MAP7D1: variants seen among roughly 807,000 people sequenced by gnomAD.
MAP7D1 encodes the protein MAP7 domain-containing protein 1.
In MAP7D1, 30 loss-of-function variants were observed where a neutral mutation model predicts 97.5. The ratio of observed to expected loss-of-function variants is 0.31; its 90% CI spans 0.23 to 0.42. The LOEUF is 0.42. MAP7D1 is among the 10% of genes least tolerant of loss of function. The pLI is 1.00. For synonymous variants in MAP7D1, 536 were observed against 477.1 expected (o/e 1.12, Z -1.61); for missense variants, 1,184 against 1,179.5 (o/e 1.00, Z -0.06).
At chr1:36,170,206 A>G (rs1317629480) in intron 1 of MAP7D1, among the ~76,000 whole-genome samples, 1 of 152,214 alleles carries the variant, frequency 6.6e-6, no homozygotes, top group Non-Finnish European at 1.5e-5. Context: ...TATATGTCAA[A>G]TCGTGTGGCT....
chr1:36,165,961 C>T (rs1644469879), intron 1 of MAP7D1, among the ~76,000 whole-genome samples: 1 of 152,088 alleles, frequency 6.6e-6, no homozygotes, highest in African/African-American at 2.4e-5. Flanking sequence ...AACTCCTGAC[C>T]TCAGGTGATC....
rs770364727 is a variant in MAP7D1, at chr1:36,180,299, T to TCTGC, written c.*42_*45dup. 10 of 1,613,634 alleles carry TCTGC rather than the reference T, an allele frequency of 6.2e-6. No homozygotes were observed. Among genetic ancestry groups the TCTGC allele is most frequent in the Non-Finnish European group, 8.5e-6 (10 of 1,179,612 alleles). ...ATCCGGGCACAGTTGTGAGGGCTCC[T>TCTGC]CTGCATCACCTACCAGGATGTCTGG... is the stretch of plus-strand genomic sequence containing the variant. On this transcript the variant is annotated 3_prime_UTR_variant, in exon 17 of 17. Transcript: ENST00000474796.
At chr1:36,179,102 C>T in intron 12 of MAP7D1, 77 bp downstream of exon 12, 1 of 1,506,926 alleles carries the variant, frequency 6.6e-7, no homozygotes, top group Non-Finnish European at 9.0e-7. Flanking sequence ...GGGCTTAGAG[C>T]GGACAGGACG....
intron 12 of MAP7D1, 86 bp from the exon 13 acceptor site, chr1:36,179,176 T>A: frequency 6.5e-7 from 1 of 1,545,416 alleles, no homozygotes; most frequent in Non-Finnish European, 8.9e-7. Context: ...TGGGAGGCCC[T>A]AAGACTCCGA....
intron 1 of MAP7D1, among the ~76,000 whole-genome samples, chr1:36,161,879 G>A (rs908496206): frequency 1.2e-3 from 25 of 21,202 alleles, no homozygotes; most frequent in Non-Finnish European, 4.8e-3. Flanking sequence ...GTGTGTGTAT[G>A]TGTGTGTGTG....
chr1:36,177,980 C>A lies in MAP7D1; in HGVS notation c.1487C>A (p.Ser496Tyr). The A allele has an allele frequency of 1.2e-6, 2 of 1,608,456 alleles. No individual in the cohort carries two copies. Among genetic ancestry groups the A allele is most frequent in the Non-Finnish European group, 1.7e-6 (2 of 1,176,120 alleles). The change falls in exon 9 of 17, where the codon TCC becomes TAC. Residue 496 changes from serine to tyrosine, a missense_variant. Physicochemically the swap from Ser to Tyr is moderately radical, Grantham distance 144. Coordinates refer to ENST00000474796, the MANE Select transcript of MAP7D1 (RefSeq NM_001388490.1). ...CACACTCTGCCTCCAAAGCCACCGT[C>A]CCCCCGAGGCACCACTGCATCCCCC... Reference protein sequence around the residue: ...PGHTLPPKPPSPRGTTASPKG... With the variant: ...PGHTLPPKPPYPRGTTASPKG...
Position 36,180,427 on chromosome 1 carries a change from C to T in MAP7D1, c.*169C>T, listed in dbSNP as rs567653406. 152 of 899,548 alleles carry T rather than the reference C, an allele frequency of 1.7e-4. 1 individual carries two copies. In the East Asian group the frequency reaches 3.0e-3, roughly 18 times the overall value. 55.7% of individuals were successfully genotyped at this position (899,548 alleles called of 1,614,324 possible). A position where few individuals can be genotyped will look rare whatever the true frequency, so the allele number is the denominator to read the frequency against. ...CCTTATAGACTGATGTCTCTTTGGC[C>T]GGAGCCAGATCTGCCCCTCAGTGCA... On this transcript the variant is annotated 3_prime_UTR_variant, in exon 17 of 17. Coordinates refer to ENST00000474796, the MANE Select transcript of MAP7D1 (RefSeq NM_001388490.1).
Position 36,176,843 on chromosome 1 carries a change from GTGGGCGCGGGCGGTGCGAGGGACCC to G in MAP7D1, c.1379+4_1379+28del. The G allele has an allele frequency of 1.3e-6, 2 of 1,592,076 alleles. No homozygotes were observed. Among genetic ancestry groups the G allele is most frequent in the South Asian group, 2.3e-5 (2 of 87,978 alleles). ...CTGCCAGCACCGCCTCTGAGCTCAGGTGGGCGCGGGCGGTGCGAGGGACCCTGCCCCTCACCGGGTCATTTATTCA... is the reference window on the plus strand; with the variant it reads ...CTGCCAGCACCGCCTCTGAGCTCAGGTGCCCCTCACCGGGTCATTTATTCA... On this transcript the variant is annotated splice_donor_variant and splice_donor_5th_base_variant and intron_variant, in intron 8 of 16. Coordinates refer to ENST00000474796, the MANE Select transcript of MAP7D1 (RefSeq NM_001388490.1). LOFTEE classifies it high-confidence loss of function. This position sits in a 1 kb window ranked among gnomAD's most constrained non-coding sequence, Gnocchi z 6.1.
chr1:36,177,492 C>G, intron 8 of MAP7D1: 2 of 485,956 alleles, frequency 4.1e-6, no homozygotes, highest in South Asian at 1.6e-5. Context: ...CCACTGCACT[C>G]CAGCCTGGGG....
At position 36,171,010 on chromosome 1, in the gene MAP7D1, C is replaced by A. The variant is rs754214784; in HGVS notation, c.86C>A (p.Pro29Gln). The A allele has an allele frequency of 1.9e-6, 3 of 1,573,522 alleles. No homozygotes were observed. Among genetic ancestry groups the A allele is most frequent in the Non-Finnish European group, 2.6e-6 (3 of 1,147,420 alleles). The change falls in exon 2 of 17, where the codon CCA (proline) becomes CAA (glutamine). Residue 29 changes from proline to glutamine, a missense_variant. Pro to Gln is a moderately conservative substitution (Grantham distance 76, BLOSUM62 -1). Coordinates refer to ENST00000474796, the MANE Select transcript of MAP7D1 (RefSeq NM_001388490.1). ...ARTPPEPRPS[P>Q]EGDPSPPPPP... ...ACCCCCCCAGAGCCAAGACCTTCTC[C>A]AGAAGGTGACCCTTCCCCCCCACCA...
In MAP7D1 at chr1:36,156,204, G is replaced by T; in HGVS notation, c.-214G>T. The T allele has an allele frequency of 2.3e-6, 1 of 429,540 alleles. No homozygotes were observed. The highest frequency in any genetic ancestry group is 4.1e-6 in the Non-Finnish European group (1 of 246,410). The allele number at this position is 429,540 out of a possible 1,614,324, so 26.6% of individuals were successfully genotyped here. On this transcript the variant is annotated 5_prime_UTR_variant, in exon 1 of 17. Transcript: ENST00000474796. ...TGGGCCGGCGCCGGGCGGGGAACGG[G>T]TTCGCGACCGCAGCCGAGAGACCCC...
Position 36,177,853 on chromosome 1 carries a change from C to G in MAP7D1, c.1380-20C>G. Reference sequence around the variant, plus strand: ...GGGTGTGTGTGTCTCCTAACCCTTCCCTTTTCCCTTTTCTCTTAGCCCCAA... The same window carrying G: ...GGGTGTGTGTGTCTCCTAACCCTTCGCTTTTCCCTTTTCTCTTAGCCCCAA... On this transcript the variant is annotated intron_variant, in intron 8 of 16. Transcript: ENST00000474796. The G allele has an allele frequency of 1.3e-6, 2 of 1,522,464 alleles. No individual in the cohort carries two copies. The highest frequency in any genetic ancestry group is 1.8e-6 in the Non-Finnish European group (2 of 1,135,058). 94.3% of individuals were successfully genotyped at this position (1,522,464 alleles called of 1,614,324 possible).
rs775444479 is a variant in MAP7D1 at position 36,176,765 on chromosome 1, G to A, written c.1302G>A (p.Glu434=). 2.5e-6 allele frequency: 4 copies of A among 1,603,494 alleles called. No individual in the cohort carries two copies. In the African/African-American group the frequency reaches 4.0e-5, roughly 16 times the overall value. The change falls in exon 8 of 17, where the codon GAG becomes GAA. Residue 434 remains glutamate, a synonymous_variant. Transcript: ENST00000474796. This position sits in a 1 kb window ranked among gnomAD's most constrained non-coding sequence, Gnocchi z 6.1. The stretch of plus-strand genomic sequence containing the variant: ...AGGAGAAGAGTGCCCTAGCCCGGGA[G>A]CGCAGCCTCAAGAAGCGCCAGTCGC... ...NEKEKSALAR[E]RSLKKRQSLP...
intron 1 of MAP7D1, among the ~76,000 whole-genome samples, chr1:36,160,086 GTCAGGTC>G (rs1427405291): frequency 6.6e-6 from 1 of 152,238 alleles, no homozygotes; most frequent in Non-Finnish European, 1.5e-5. Flanking sequence ...GGGCCATCAG[GTCAGGTC>G]TCAGGTCTGA....
At position 36,178,027 on chromosome 1, in the gene MAP7D1, G is replaced by C. The variant is rs759145551; in HGVS notation, c.1534G>C (p.Glu512Gln). ...CCCCAAGGGGCGGGTTCGGAGGAAG[G>C]AGGAGGCAAAGGAGAGCCCCAGCGC... is the stretch of plus-strand genomic sequence containing the variant. ...ASPKGRVRRK[E>Q]EAKESPSAAG... is the part of the protein sequence containing the mutation. Residue 512 changes from glutamate (E) to glutamine (Q), a missense_variant, in exon 9 of 17, where the codon GAG (glutamate) becomes CAG (glutamine). Glu to Gln is a conservative substitution (Grantham distance 29). Transcript: ENST00000474796. 3.1e-6 allele frequency: 5 copies of C among 1,613,644 alleles called. No individual in the cohort carries two copies. Among genetic ancestry groups the C allele is most frequent in the Non-Finnish European group, 4.2e-6 (5 of 1,179,818 alleles).
intron 1 of MAP7D1, among the ~76,000 whole-genome samples, chr1:36,161,586 T>G (rs893678140): frequency 3.3e-5 from 5 of 152,228 alleles, no homozygotes; most frequent in Non-Finnish European, 5.9e-5. Flanking sequence ...ACTAATGAGT[T>G]TAATGTGTTT....
Position 36,177,993 on chromosome 1 carries a change from C to T in MAP7D1, c.1500C>T (p.Thr500=). 6.2e-7 allele frequency: 1 copy of T among 1,612,478 alleles called. No homozygotes were observed. The highest frequency in any genetic ancestry group is 8.5e-7 in the Non-Finnish European group (1 of 1,178,876). ...LPPKPPSPRG[T]TASPKGRVRR... is the part of the protein sequence containing the mutation. ...CAAAGCCACCGTCCCCCCGAGGCACCACTGCATCCCCCAAGGGGCGGGTTC... is the reference window on the plus strand; with the variant it reads ...CAAAGCCACCGTCCCCCCGAGGCACTACTGCATCCCCCAAGGGGCGGGTTC... Residue 500 remains threonine (T), a synonymous_variant, in exon 9 of 17, where the codon ACC becomes ACT. Transcript: ENST00000474796.
intron 1 of MAP7D1, among the ~76,000 whole-genome samples, chr1:36,168,974 G>A (rs1644506400): frequency 6.6e-6 from 1 of 152,120 alleles, no homozygotes; most frequent in African/African-American, 2.4e-5. Context: ...ATATAAGGCC[G>A]GGTGCAGTGG....
chr1:36,174,232 C>A (rs1369231306), intron 5 of MAP7D1, among the ~76,000 whole-genome samples: 1 of 152,178 alleles, frequency 6.6e-6, no homozygotes, highest in African/African-American at 2.4e-5. Flanking sequence ...CCACACAGTA[C>A]CTGGCACATG....
Sources: gnomAD v4.1 joint callset for allele counts (sites outside exome capture counted in the v4.1 genomes callset) on GRCh38, gnomAD v4.1.1 for gene constraint, Gnocchi (gnomAD v3.1) non-coding constraint, MANE v1.5 for transcripts, NCBI Gene and HGNC (gene_info 2026-07-23, HGNC 2026-07-21) for gene names.